Variants in AOPEP observed in about 807,000 individuals in gnomAD.
AOPEP encodes the protein aminopeptidase O.
Under a neutral mutation model 98.1 loss-of-function variants are expected in AOPEP, and 77 were observed. That is an observed-to-expected ratio of 0.78 (90% CI 0.65 to 0.95). The LOEUF (loss-of-function observed/expected upper bound fraction) is 0.95. Among genes scored for constraint, AOPEP ranks in the 40% least tolerant of loss-of-function variants. The probability of loss-of-function intolerance (pLI) is 0.00; values close to 1 mark genes in which losing one functional copy is unlikely to be tolerated. For missense variants in AOPEP, 1,024 were observed against 1,024.7 expected (o/e 1.00, Z 0.01); for synonymous variants, 346 against 365.3 (o/e 0.95, Z 0.60).
At chr9:94,732,514 C>T (rs963563204) in intron 1 of AOPEP, among the ~76,000 whole-genome samples, 1 of 152,044 alleles carries the variant, frequency 6.6e-6, no homozygotes, top group Admixed American at 6.5e-5. Context: ...TAAGAAGTGT[C>T]TTCTATCAAG....
At chr9:94,893,145 A>T (rs1444050021) in intron 5 of AOPEP, among the ~76,000 whole-genome samples, 1 of 152,228 alleles carries the variant, frequency 6.6e-6, no homozygotes, top group African/African-American at 2.4e-5. Flanking sequence ...CAAGACTGTG[A>T]CGTGGTAGAA....
chr9:94,859,613 CA>C (rs2044677959), intron 5 of AOPEP, among the ~76,000 whole-genome samples: 1 of 152,206 alleles, frequency 6.6e-6, no homozygotes, highest in East Asian at 1.9e-4. Context: ...CAGCCTTTCA[CA>C]GACTCTATTT....
At chr9:95,069,608 A>C (rs1033188472) in intron 14 of AOPEP, among the ~76,000 whole-genome samples, 2 of 152,102 alleles carry the variant, frequency 1.3e-5, no homozygotes, top group Non-Finnish European at 2.9e-5. Flanking sequence ...GGAAAATAAG[A>C]AGCATTCCAG....
intron 4 of AOPEP, among the ~76,000 whole-genome samples, chr9:94,800,173 A>G (rs1301197595): frequency 6.6e-6 from 1 of 152,224 alleles, no homozygotes; most frequent in Non-Finnish European, 1.5e-5. Context: ...ATTCCTTAAT[A>G]ACAGCTTTTG....
Position 94,875,905 on chromosome 9 carries a change from G to C in AOPEP, c.1365-48081G>C, listed in dbSNP as rs187715830. Among the ~76,000 whole-genome samples, 266 of 152,272 alleles carry C rather than the reference G, an allele frequency of 1.7e-3. 2 individuals are homozygous for C. The highest frequency in any genetic ancestry group is 6.0e-3 in the African/African-American group (249 of 41,558). On this transcript the variant is annotated intron_variant, in intron 5 of 16. Transcript: ENST00000375315. ...TTTCTTACTTACCTAGTTGAAGTGA[G>C]ACCATTCAACACTCAATAGATAGCT...
chr9:94,761,100 A>C (rs1463956727), intron 2 of AOPEP, among the ~76,000 whole-genome samples: 4 of 151,236 alleles, frequency 2.6e-5, no homozygotes, highest in Admixed American at 6.6e-5. Flanking sequence ...GTCAGTTTTC[A>C]TGTAACGTGA....
intron 5 of AOPEP, among the ~76,000 whole-genome samples, chr9:94,815,041 T>C (rs1851402627): frequency 6.6e-6 from 1 of 152,150 alleles, no homozygotes; most frequent in Admixed American, 6.5e-5. Context: ...AGGTGATCAC[T>C]GGCTGAGCAT....
chr9:95,120,510 G>A, the AOPEP span, among the ~76,000 whole-genome samples: 1 of 151,930 alleles, frequency 6.6e-6, no homozygotes, highest in South Asian at 2.1e-4. Flanking sequence ...CACGTTCTGG[G>A]CTCAAGCAAT....
chr9:95,076,267 C>T lies in AOPEP; in HGVS notation c.2233-4427C>T, dbSNP rs116198861. ...TTGGCAGGAGTGTACATTGCTACAC[C>T]CTCATGGAAGGCAATTTAGCAGCCT... On this transcript the variant is annotated intron_variant, in intron 14 of 16. Coordinates refer to ENST00000375315, the MANE Select transcript of AOPEP (RefSeq NM_001193329.3). Among the ~76,000 whole-genome samples, 865 of 152,210 alleles carry T rather than the reference C, an allele frequency of 5.7e-3. 12 individuals are homozygous for T. The highest frequency in any genetic ancestry group is 0.02 in the African/African-American group (837 of 41,524).
At chr9:94,932,631 GTGCCACTA>G (rs1564403452) in intron 7 of AOPEP, 1 of 177,814 alleles carries the variant, frequency 5.6e-6, no homozygotes, top group African/African-American at 2.4e-5. Flanking sequence ...CTGTAGGCAT[GTGCCACTA>G]TGCCCGGCTA....
At chr9:95,148,927 A>G in the AOPEP span, among the ~76,000 whole-genome samples, 1 of 152,182 alleles carries the variant, frequency 6.6e-6, no homozygotes, top group African/African-American at 2.4e-5. Context: ...CGCCTTTCCC[A>G]ATTACTATCT....
intron 13 of AOPEP, among the ~76,000 whole-genome samples, chr9:95,053,576 T>C (rs929936071): frequency 5.3e-5 from 8 of 152,182 alleles, no homozygotes; most frequent in African/African-American, 1.9e-4. Context: ...ATAACTAGAA[T>C]TGGAGCTAGC....
At chr9:95,009,637 T>G (rs936640153) in intron 13 of AOPEP, among the ~76,000 whole-genome samples, 2 of 152,192 alleles carry the variant, frequency 1.3e-5, no homozygotes, top group Non-Finnish European at 2.9e-5. Context: ...TGGTCTTGGC[T>G]GGGGTGAGAT....
At chr9:95,134,043 C>T in the AOPEP span, among the ~76,000 whole-genome samples, 1 of 152,152 alleles carries the variant, frequency 6.6e-6, no homozygotes, top group South Asian at 2.1e-4. Flanking sequence ...CTTCCTTTCT[C>T]TTCTATCGTG....
chr9:95,041,446 G>GGTGTGTGTGTGTGTGT (rs57837059), intron 13 of AOPEP, among the ~76,000 whole-genome samples: 1 of 142,012 alleles, frequency 7.0e-6, no homozygotes, highest in African/African-American at 2.6e-5. Flanking sequence ...AGTCCTTGGG[G>GGTGTGTGTGTGTGTGT]GTGTGTGTGT....
rs370593426 is a variant in AOPEP at position 94,734,126 on chromosome 9, T to TA, written c.-136+7375_-136+7376insA. Reference sequence around the variant, plus strand: ...TCTGAGTTTATACTTGAGCTTATTTTGCCTCTAGATACAGTGCTCCCCGCC... The same window carrying TA: ...TCTGAGTTTATACTTGAGCTTATTTTAGCCTCTAGATACAGTGCTCCCCGCC... On this transcript the variant is annotated intron_variant, in intron 1 of 16. Coordinates refer to ENST00000375315, the MANE Select transcript of AOPEP (RefSeq NM_001193329.3). 6.7e-3 allele frequency among the ~76,000 whole-genome samples: 1,015 copies of TA among 152,300 alleles called. 8 individuals carry two copies. Among genetic ancestry groups the TA allele is most frequent in the African/African-American group, 0.024 (977 of 41,552 alleles).
At chr9:95,090,800 C>G (rs183100055), downstream of AOPEP, among the ~76,000 whole-genome samples, 3 of 152,290 alleles carry the variant, frequency 2.0e-5, no homozygotes, top group East Asian at 1.9e-4. Context: ...CGGTCAGGTC[C>G]CAGCTCAGCT....
At chr9:94,987,778 C>T (rs1215961466) in intron 11 of AOPEP, among the ~76,000 whole-genome samples, 1 of 152,092 alleles carries the variant, frequency 6.6e-6, no homozygotes, top group Non-Finnish European at 1.5e-5. Flanking sequence ...TTAATTCTTG[C>T]TTGTTTTACA....
At chr9:94,787,605 C>T (rs1306896197) in intron 3 of AOPEP, among the ~76,000 whole-genome samples, 1 of 152,198 alleles carries the variant, frequency 6.6e-6, no homozygotes, top group Admixed American at 6.5e-5. Flanking sequence ...CTAGTGCCTG[C>T]TCCTTATCTC....
Sources: allele counts gnomAD v4.1 joint callset (sites outside exome capture counted in the v4.1 genomes callset), GRCh38; gene constraint gnomAD v4.1.1; transcripts MANE v1.5; gene names NCBI Gene and HGNC (gene_info 2026-07-23, HGNC 2026-07-21).